The following GULP1 variants were observed in gnomAD, a reference collection of about 807,000 sequenced individuals.
GULP1 encodes the protein PTB domain-containing engulfment adapter protein 1.
A neutral mutation model predicts 40.9 loss-of-function variants in GULP1; 19 were observed. That is an observed-to-expected ratio of 0.46 (90% confidence interval 0.32 to 0.68). The LOEUF (loss-of-function observed/expected upper bound fraction) is 0.68, where lower values mean the gene tolerates loss of function less well. Among genes scored for constraint, GULP1 ranks in the 30% least tolerant of loss-of-function variants. The probability of loss-of-function intolerance (pLI) is 0.03; values close to 1 mark genes in which losing one functional copy is unlikely to be tolerated. For synonymous variants in GULP1, 119 were observed against 117.6 expected (o/e 1.01, Z -0.08); for missense variants, 312 against 362.2 (o/e 0.86, Z 1.12).
At chr2:188,511,842 T>G (rs2153201926) in intron 4 of GULP1, among the ~76,000 whole-genome samples, 1 of 152,320 alleles carries the variant, frequency 6.6e-6, no homozygotes, top group South Asian at 2.1e-4. Flanking sequence ...TTAAAAATTT[T>G]CTATCAAAAC....
intron 2 of GULP1, among the ~76,000 whole-genome samples, chr2:188,414,534 C>A (rs2152733335): frequency 6.6e-6 from 1 of 152,142 alleles, no homozygotes; most frequent in East Asian, 1.9e-4. Flanking sequence ...CTCAGTTTAG[C>A]AAGAATTGAG....
Position 188,529,046 on chromosome 2 carries a change from A to G in GULP1, c.163-51A>G, listed in dbSNP as rs562578283. ...TCCAAATGTATATTTATTTTTGTTC[A>G]TTCTTTATAGAAATAGAAGTGTAGC... On this transcript the variant is annotated intron_variant, in intron 5 of 11. Transcript: ENST00000409830. 3.3e-5 allele frequency: 28 copies of G among 858,894 alleles called. No individual in the cohort carries two copies. The East Asian group carries it at 6.8e-4, about 21-fold the overall frequency. 53.2% of individuals were successfully genotyped at this position (858,894 alleles called of 1,614,324 possible).
At chr2:188,353,860 T>C (rs754646575) in intron 1 of GULP1, among the ~76,000 whole-genome samples, 9 of 151,768 alleles carry the variant, frequency 5.9e-5, no homozygotes, top group Non-Finnish European at 4.4e-5. Flanking sequence ...CCAATGAAGT[T>C]AGTTACATAA....
intron 1 of GULP1, among the ~76,000 whole-genome samples, chr2:188,335,273 C>T (rs764955489): frequency 1.3e-5 from 2 of 152,052 alleles, no homozygotes; most frequent in African/African-American, 4.8e-5. Flanking sequence ...GGGGAAGAGA[C>T]TTTTTTGATT....
chr2:188,316,805 A>G (rs2039152183), intron 1 of GULP1, among the ~76,000 whole-genome samples: 3 of 152,298 alleles, frequency 2.0e-5, no homozygotes, highest in South Asian at 4.1e-4. Flanking sequence ...CCATAAAAGT[A>G]GAGATTGCTG....
At chr2:188,345,426 A>G (rs539181523) in intron 1 of GULP1, among the ~76,000 whole-genome samples, 2 of 152,352 alleles carry the variant, frequency 1.3e-5, no homozygotes, top group East Asian at 3.9e-4. Flanking sequence ...TCAGAGGACA[A>G]GAAACAGGAT....
chr2:188,354,210 C>G (rs1371682180), intron 1 of GULP1, among the ~76,000 whole-genome samples: 1 of 152,122 alleles, frequency 6.6e-6, no homozygotes, highest in Non-Finnish European at 1.5e-5. Context: ...TTTACCATCT[C>G]AGAGTCCAGA....
At chr2:188,565,731 T>G (rs1243046206) in intron 7 of GULP1, among the ~76,000 whole-genome samples, 1 of 152,048 alleles carries the variant, frequency 6.6e-6, no homozygotes, top group African/African-American at 2.4e-5. Context: ...TAGAAGAATG[T>G]TTGTGGTAGT....
At chr2:188,335,417 TC>T (rs1044103727) in intron 1 of GULP1, among the ~76,000 whole-genome samples, 2 of 152,138 alleles carry the variant, frequency 1.3e-5, no homozygotes, top group Admixed American at 1.3e-4. Context: ...TCTGAGCATA[TC>T]CAACCCTTTT....
At chr2:188,356,192 A>G (rs145993858) in intron 1 of GULP1, among the ~76,000 whole-genome samples, 36 of 152,266 alleles carry the variant, frequency 2.4e-4, no homozygotes, top group African/African-American at 6.5e-4. Context: ...AGCTAAAGCA[A>G]TTAGGCAAGA....
intron 1 of GULP1, among the ~76,000 whole-genome samples, chr2:188,321,140 A>C (rs1029227735): frequency 2.0e-5 from 3 of 152,162 alleles, no homozygotes; most frequent in Non-Finnish European, 4.4e-5. Flanking sequence ...GCATGTGGTT[A>C]AATCACTTCC....
At chr2:188,477,003 C>A (rs2061066571) in intron 2 of GULP1, among the ~76,000 whole-genome samples, 1 of 151,966 alleles carries the variant, frequency 6.6e-6, no homozygotes, top group Admixed American at 6.6e-5. Flanking sequence ...GATGTGTAAC[C>A]CTCATAGTGA....
At chr2:188,470,096 C>T (rs1285535662) in intron 2 of GULP1, among the ~76,000 whole-genome samples, 2 of 151,936 alleles carry the variant, frequency 1.3e-5, no homozygotes, top group East Asian at 1.9e-4. Flanking sequence ...GAAGTATTCT[C>T]TCCTCCTCTA....
At chr2:188,441,287 C>T (rs2057910212) in intron 2 of GULP1, among the ~76,000 whole-genome samples, 2 of 152,278 alleles carry the variant, frequency 1.3e-5, no homozygotes, top group Non-Finnish European at 1.5e-5. Context: ...ATATATCTGG[C>T]TTTCTATACA....
At chr2:188,400,801 C>T (rs955135530) in intron 2 of GULP1, among the ~76,000 whole-genome samples, 1 of 151,960 alleles carries the variant, frequency 6.6e-6, no homozygotes, top group African/African-American at 2.4e-5. Flanking sequence ...GTGGAATGGG[C>T]TTTGTGTGAA....
chr2:188,468,652 A>C (rs2060330271), intron 2 of GULP1, among the ~76,000 whole-genome samples: 1 of 152,218 alleles, frequency 6.6e-6, no homozygotes, highest in Non-Finnish European at 1.5e-5. Context: ...GAGAATGAGA[A>C]GGCTAGCTCC....
At chr2:188,381,748 CTG>C (rs1014415903) in intron 1 of GULP1, among the ~76,000 whole-genome samples, 6 of 152,216 alleles carry the variant, frequency 3.9e-5, no homozygotes, top group Admixed American at 2.6e-4. Flanking sequence ...TGATAAAAGA[CTG>C]TGGAAATTAT....
Position 188,460,209 on chromosome 2 carries a change from C to T in GULP1, c.-44-17450C>T, listed in dbSNP as rs893774455. Among the ~76,000 whole-genome samples the T allele has an allele frequency of 7.2e-5, 11 of 152,194 alleles. No homozygotes were observed. The South Asian group carries it at 2.3e-3, about 32-fold the overall frequency. On this transcript the variant is annotated intron_variant, in intron 2 of 11. Coordinates refer to ENST00000409830, the MANE Select transcript of GULP1 (RefSeq NM_016315.4). ...GTCGTTGGTATTTTGATAGGGATTT[C>T]ATTGAATCTGTAGATTGCTTTAGGG... is the stretch of plus-strand genomic sequence containing the variant.
intron 1 of GULP1, among the ~76,000 whole-genome samples, chr2:188,380,419 A>G (rs1160797957): frequency 6.6e-6 from 1 of 152,188 alleles, no homozygotes; most frequent in Non-Finnish European, 1.5e-5. Flanking sequence ...AGATTGTTGT[A>G]TTAAGCAGAA....
Sources: allele counts gnomAD v4.1 joint callset (sites outside exome capture counted in the v4.1 genomes callset), GRCh38; gene constraint gnomAD v4.1.1; transcripts MANE v1.5; gene names NCBI Gene and HGNC (gene_info 2026-07-23, HGNC 2026-07-21).